Variants in UBE2E2 observed in about 807,000 individuals in gnomAD.
UBE2E2 encodes ubiquitin-conjugating enzyme E2 E2.
A neutral mutation model predicts 24.7 loss-of-function variants in UBE2E2; 6 were observed. The ratio of observed to expected loss-of-function variants is 0.24; its 90% CI spans 0.13 to 0.48. The LOEUF (loss-of-function observed/expected upper bound fraction) is 0.48. UBE2E2 is among the 20% of genes least tolerant of loss of function. The pLI is 0.99. For synonymous variants in UBE2E2, 104 were observed against 83.6 expected (o/e 1.24, Z -1.33); for missense variants, 169 against 245.0 (o/e 0.69, Z 2.07).
intron 5 of UBE2E2, among the ~76,000 whole-genome samples, chr3:23,539,018 A>G (rs1038029453): frequency 2.0e-5 from 3 of 152,174 alleles, no homozygotes; most frequent in Admixed American, 6.5e-5. Context: ...GGAAAGCCAA[A>G]ATTACCCCAT....
intron 4 of UBE2E2, among the ~76,000 whole-genome samples, chr3:23,522,128 A>ATTTTTTTTTT (rs34111484): frequency 8.0e-6 from 1 of 124,278 alleles, no homozygotes; most frequent in Non-Finnish European, 1.6e-5. Context: ...TAACCAGCTA[A>ATTTTTTTTTT]TTTTTTTTTT....
chr3:23,362,585 A>T (rs1051356024), intron 3 of UBE2E2, among the ~76,000 whole-genome samples: 1 of 152,056 alleles, frequency 6.6e-6, no homozygotes, highest in Non-Finnish European at 1.5e-5. Flanking sequence ...CTGGCTTGCT[A>T]TTGTCCCAGG....
At chr3:23,307,512 T>C (rs1699269583) in intron 3 of UBE2E2, among the ~76,000 whole-genome samples, 1 of 152,198 alleles carries the variant, frequency 6.6e-6, no homozygotes, top group Non-Finnish European at 1.5e-5. Flanking sequence ...CTTTGGAAGG[T>C]AGCAGATGAT....
rs563471886 is a variant in UBE2E2 at position 23,293,386 on chromosome 3, G to C, written c.227+76074G>C. ...AAAGCCACTAACATGAAGGAGTTGAGATCAAATTCATTTTGTCTAACACTA... is the reference window on the plus strand; with the variant it reads ...AAAGCCACTAACATGAAGGAGTTGACATCAAATTCATTTTGTCTAACACTA... On this transcript the variant is annotated intron_variant, in intron 3 of 5. Transcript: ENST00000396703. 6.6e-5 allele frequency among the ~76,000 whole-genome samples: 10 copies of C among 152,320 alleles called. No homozygotes were observed. The East Asian group carries it at 1.7e-3, about 26-fold the overall frequency.
intron 1 of UBE2E2, among the ~76,000 whole-genome samples, chr3:23,206,110 A>C (rs1696138434): frequency 1.3e-5 from 2 of 152,358 alleles, no homozygotes; most frequent in African/African-American, 4.8e-5. Context: ...CTGTTTTAAA[A>C]TGTATAAAAT....
chr3:23,419,470 A>T (rs1344625151), intron 3 of UBE2E2, among the ~76,000 whole-genome samples: 1 of 152,178 alleles, frequency 6.6e-6, no homozygotes, highest in Non-Finnish European at 1.5e-5. Flanking sequence ...ATACAACACA[A>T]CAGTGCCTAG....
intron 4 of UBE2E2, among the ~76,000 whole-genome samples, chr3:23,529,876 G>T (rs760541360): frequency 1.3e-5 from 2 of 152,072 alleles, no homozygotes; most frequent in Non-Finnish European, 1.5e-5. Flanking sequence ...TCCTGAGTTG[G>T]ACACTTAACT....
intron 3 of UBE2E2, among the ~76,000 whole-genome samples, chr3:23,249,696 C>T (rs958156988): frequency 1.5e-4 from 23 of 151,750 alleles, no homozygotes; most frequent in Admixed American, 7.2e-4. Flanking sequence ...TGCTCTTTCG[C>T]GCAGACTGGA....
chr3:23,297,524 C>A (rs1337774310), intron 3 of UBE2E2, among the ~76,000 whole-genome samples: 3 of 152,146 alleles, frequency 2.0e-5, no homozygotes, highest in South Asian at 2.1e-4. Flanking sequence ...AGCTTTCTAC[C>A]TATGGGTAGC....
At chr3:23,303,802 G>T (rs1167780493) in intron 3 of UBE2E2, among the ~76,000 whole-genome samples, 1 of 152,168 alleles carries the variant, frequency 6.6e-6, no homozygotes, top group Non-Finnish European at 1.5e-5. Context: ...ATCTACTCAA[G>T]TCTGTTGAAG....
chr3:23,383,543 T>C (rs186098371), intron 3 of UBE2E2, among the ~76,000 whole-genome samples: 4 of 152,278 alleles, frequency 2.6e-5, no homozygotes, highest in African/African-American at 9.6e-5. Context: ...CAGATGTATA[T>C]TATTTTAGGC....
chr3:23,401,114 A>G (rs531516239), intron 3 of UBE2E2, among the ~76,000 whole-genome samples: 1 of 152,322 alleles, frequency 6.6e-6, no homozygotes, highest in Admixed American at 6.5e-5. Flanking sequence ...AGAAGGAATC[A>G]TCATGTTACT....
intron 5 of UBE2E2, chr3:23,534,085 A>G: frequency 1.6e-6 from 1 of 608,310 alleles, no homozygotes; most frequent in Non-Finnish European, 2.0e-6. Context: ...GTGACTGTGT[A>G]TAACCTTGTA....
chr3:23,376,353 G>A (rs907461957), intron 3 of UBE2E2, among the ~76,000 whole-genome samples: 22 of 152,190 alleles, frequency 1.4e-4, no homozygotes, highest in African/African-American at 5.1e-4. Context: ...GAATCACATA[G>A]TTTATTGCCA....
At chr3:23,223,025 CTTTT>C (rs58129459) in intron 3 of UBE2E2, among the ~76,000 whole-genome samples, 3 of 60,316 alleles carry the variant, frequency 5.0e-5, no homozygotes, top group African/African-American at 1.4e-4. Context: ...CCCCCCCCCC[CTTTT>C]TTTTTTTTTT....
At chr3:23,306,874 G>T (rs1213131391) in intron 3 of UBE2E2, among the ~76,000 whole-genome samples, 1 of 152,056 alleles carries the variant, frequency 6.6e-6, no homozygotes, top group Admixed American at 6.6e-5. Context: ...CTCATTTTTA[G>T]ATTTTCTTTA....
At position 23,217,301 on chromosome 3, in the gene UBE2E2, T is replaced by A; in HGVS notation, c.216T>A (p.Pro72=). The change falls in exon 3 of 6, where the codon CCT becomes CCA. Residue 72 remains proline, a synonymous_variant. Coordinates refer to ENST00000396703, the MANE Select transcript of UBE2E2 (RefSeq NM_152653.4). Reference sequence around the variant, plus strand: ...TTGCAGAAATCACATTGGACCCTCCTCCCAACTGTAGGTAAGTACTCATGG... The same window carrying A: ...TTGCAGAAATCACATTGGACCCTCCACCCAACTGTAGGTAAGTACTCATGG... ...KELAEITLDP[P]PNCSAGPKGD... 6.2e-7 allele frequency: 1 copy of A among 1,612,776 alleles called. No homozygotes were observed. The highest frequency in any genetic ancestry group is 1.1e-5 in the South Asian group (1 of 91,026).
chr3:23,239,519 G>A (rs1176992754), intron 3 of UBE2E2, among the ~76,000 whole-genome samples: 1 of 151,894 alleles, frequency 6.6e-6, no homozygotes, highest in African/African-American at 2.4e-5. Flanking sequence ...TTGTATAAAT[G>A]GAATCATACA....
intron 5 of UBE2E2, among the ~76,000 whole-genome samples, chr3:23,577,728 G>T (rs1463442548): frequency 6.6e-6 from 1 of 152,220 alleles, no homozygotes; most frequent in East Asian, 1.9e-4. Context: ...TCTGTTGAAA[G>T]ATACCAATCT....
Sources: allele counts gnomAD v4.1 joint callset (sites outside exome capture counted in the v4.1 genomes callset), GRCh38; gene constraint gnomAD v4.1.1; transcripts MANE v1.5; gene names NCBI Gene and HGNC (gene_info 2026-07-23, HGNC 2026-07-21).